Variants in PTPN9 observed in about 807,000 individuals in gnomAD.
The protein encoded by PTPN9 is protein tyrosine phosphatase non-receptor type 9.
In PTPN9, 26 loss-of-function variants were observed where a neutral mutation model predicts 69.8. That is an observed-to-expected ratio of 0.37 (90% CI 0.27 to 0.52). The LOEUF (loss-of-function observed/expected upper bound fraction) is 0.52, where lower values mean the gene tolerates loss of function less well. PTPN9 is among the 20% of genes least tolerant of loss of function. The pLI is 0.91. For missense variants in PTPN9, 549 were observed against 740.3 expected (o/e 0.74, Z 3.00); for synonymous variants, 274 against 272.5 (o/e 1.01, Z -0.05).
chr15:75,569,118 G>A (rs1008140063), intron 1 of PTPN9, among the ~76,000 whole-genome samples: 3 of 152,094 alleles, frequency 2.0e-5, no homozygotes, highest in African/African-American at 7.2e-5. Flanking sequence ...GAAAAAGAAA[G>A]TACGAGAATT....
chr15:75,545,392 A>ACC (rs574454821), intron 1 of PTPN9, among the ~76,000 whole-genome samples: 3 of 151,988 alleles, frequency 2.0e-5, no homozygotes, highest in African/African-American at 7.2e-5. Context: ...ACATAGTGAG[A>ACC]CCCCCCCATC....
At chr15:75,565,458 A>G (rs1254152885) in intron 1 of PTPN9, among the ~76,000 whole-genome samples, 2 of 152,160 alleles carry the variant, frequency 1.3e-5, no homozygotes, top group East Asian at 3.8e-4. Flanking sequence ...TGACCAGATA[A>G]TTCTCTGCTG....
intron 9 of PTPN9, among the ~76,000 whole-genome samples, chr15:75,478,473 T>G (rs1299542299): frequency 6.6e-6 from 1 of 152,136 alleles, no homozygotes; most frequent in Admixed American, 6.5e-5. Context: ...TGGCACGATC[T>G]CGGCTCAGAG....
Position 75,468,725 on chromosome 15 carries a change from A to G in PTPN9, c.*44T>C. On this transcript the variant is annotated 3_prime_UTR_variant, in exon 13 of 13. Transcript: ENST00000618819. ...CTATAGGCTCAGCGGTGTCCAGGGT[A>G]GTTTAAGGAAGGCTGGCCAACAGGT... 2 of 1,554,820 alleles carry G rather than the reference A, an allele frequency of 1.3e-6. No individual in the cohort carries two copies. The highest frequency in any genetic ancestry group is 1.4e-5 in the African/African-American group (1 of 73,896).
At chr15:75,494,621 G>A (rs1231064560) in intron 7 of PTPN9, among the ~76,000 whole-genome samples, 1 of 151,928 alleles carries the variant, frequency 6.6e-6, no homozygotes, top group African/African-American at 2.4e-5. Flanking sequence ...CCAAAGTGCT[G>A]GGGTTACAGG....
rs747726232 is a variant in PTPN9 at position 75,470,006 on chromosome 15, T to C, written c.1360-7A>G. 1 of 1,604,634 alleles carries C rather than the reference T, an allele frequency of 6.2e-7. No homozygotes were observed. Among genetic ancestry groups the C allele is most frequent in the South Asian group, 1.1e-5 (1 of 90,896 alleles). ...CCTGGCGTTTCTGCCGTTCCTTAGA[T>C]AAGAAAAGAAGTAAACGTTAACAAG... On this transcript the variant is annotated splice_polypyrimidine_tract_variant and splice_region_variant and intron_variant, in intron 11 of 12. Coordinates refer to ENST00000618819, the MANE Select transcript of PTPN9 (RefSeq NM_002833.4).
At chr15:75,556,933 G>A (rs2075080507) in intron 1 of PTPN9, among the ~76,000 whole-genome samples, 1 of 152,106 alleles carries the variant, frequency 6.6e-6, no homozygotes, top group Non-Finnish European at 1.5e-5. Flanking sequence ...CCTCAAACAA[G>A]TGGAATCACA....
intron 1 of PTPN9, among the ~76,000 whole-genome samples, chr15:75,530,524 T>A (rs1402432042): frequency 2.1e-4 from 15 of 71,052 alleles, no homozygotes; most frequent in African/African-American, 8.3e-4. Context: ...ATAATATAAT[T>A]TATTATATAA....
chr15:75,516,909 T>TA (rs2074873357), intron 5 of PTPN9, among the ~76,000 whole-genome samples: 1 of 151,588 alleles, frequency 6.6e-6, no homozygotes, highest in Admixed American at 6.6e-5. Context: ...CACACCCAGC[T>TA]AATTTTTGTG....
chr15:75,525,965 C>T (rs1170235338), intron 2 of PTPN9, among the ~76,000 whole-genome samples: 1 of 151,458 alleles, frequency 6.6e-6, no homozygotes. Context: ...GCTGCCTTAT[C>T]ATAACATTTC....
At chr15:75,479,982 C>T in intron 8 of PTPN9, 68 bp from the exon 9 acceptor site, 2 of 1,126,118 alleles carry the variant, frequency 1.8e-6, no homozygotes, top group South Asian at 1.5e-5. Flanking sequence ...AAATGATGTA[C>T]TCAGTAAGTA....
At chr15:75,571,761 G>A (rs559130626) in intron 1 of PTPN9, among the ~76,000 whole-genome samples, 1 of 152,202 alleles carries the variant, frequency 6.6e-6, no homozygotes, top group African/African-American at 2.4e-5. Context: ...AGGCATGGTG[G>A]TGCATGCCAG....
Position 75,464,584 on chromosome 15 carries a change from T to C in PTPN9, c.*4185A>G, listed in dbSNP as rs1287475493. The C allele has an allele frequency of 6.6e-6, 1 of 152,076 alleles. No homozygotes were observed. Among genetic ancestry groups the C allele is most frequent in the African/African-American group, 2.4e-5 (1 of 41,394 alleles). 9.4% of individuals were successfully genotyped at this position (152,076 alleles called of 1,614,324 possible). A position where few individuals can be genotyped will look rare whatever the true frequency, so the allele number is the denominator to read the frequency against. On this transcript the variant is annotated 3_prime_UTR_variant, in exon 13 of 13. Transcript: ENST00000618819. ...TCTTTTACAGAGGGAACCTAGGACTTGGGTTTGGTTCAGTGGTAAGACCTC... is the reference window on the plus strand; with the variant it reads ...TCTTTTACAGAGGGAACCTAGGACTCGGGTTTGGTTCAGTGGTAAGACCTC...
At chr15:75,578,565 G>A (rs138732372) in intron 1 of PTPN9, 149 bp downstream of exon 1, 17,531 of 557,384 alleles carry the variant, frequency 0.031, 364 homozygotes, top group Non-Finnish European at 0.038. Context: ...CCTGGGGCGC[G>A]GTCGCCGGTG....
intron 1 of PTPN9, among the ~76,000 whole-genome samples, chr15:75,575,636 T>G (rs2075168530): frequency 6.6e-6 from 1 of 152,124 alleles, no homozygotes; most frequent in African/African-American, 2.4e-5. Context: ...AAGAGTACCC[T>G]TGGCTGGGCG....
intron 8 of PTPN9, among the ~76,000 whole-genome samples, chr15:75,488,731 G>A (rs1351743531): frequency 2.0e-5 from 3 of 152,066 alleles, no homozygotes; most frequent in Non-Finnish European, 4.4e-5. Context: ...GAGTTCAAGG[G>A]TGCAGTGAGC....
At chr15:75,506,234 G>A (rs1183045803) in intron 6 of PTPN9, among the ~76,000 whole-genome samples, 1 of 152,140 alleles carries the variant, frequency 6.6e-6, no homozygotes, top group African/African-American at 2.4e-5. Flanking sequence ...TTCACTCCTG[G>A]AATTAGGGAC....
At chr15:75,560,513 ACT>A (rs2075099872) in intron 1 of PTPN9, among the ~76,000 whole-genome samples, 1 of 152,100 alleles carries the variant, frequency 6.6e-6, no homozygotes, top group South Asian at 2.1e-4. Context: ...TCTCTCAGTA[ACT>A]CTTTTCCTTC....
At chr15:75,522,680 C>T (rs1012138143) in intron 4 of PTPN9, among the ~76,000 whole-genome samples, 2 of 152,144 alleles carry the variant, frequency 1.3e-5, no homozygotes, top group African/African-American at 4.8e-5. Context: ...GCTGGGATTA[C>T]AGGTGTGAGC....
Sources: gnomAD v4.1 joint callset for allele counts (sites outside exome capture counted in the v4.1 genomes callset) on GRCh38, gnomAD v4.1.1 for gene constraint, MANE v1.5 for transcripts, NCBI Gene and HGNC (gene_info 2026-07-23, HGNC 2026-07-21) for gene names.